SH3GLB1: variants seen among roughly 807,000 people sequenced by gnomAD.
SH3GLB1 encodes endophilin-B1.
Under a neutral mutation model 42.0 loss-of-function variants are expected in SH3GLB1, and 17 were observed. That is an observed-to-expected ratio of 0.40 (90% CI 0.28 to 0.61). The LOEUF (loss-of-function observed/expected upper bound fraction) is 0.61. SH3GLB1 is among the 20% of genes least tolerant of loss of function. The pLI is 0.36. For synonymous variants in SH3GLB1, 132 were observed against 146.6 expected, an observed-to-expected ratio of 0.90 and a Z score of 0.72; for missense variants, 355 against 426.3, an observed-to-expected ratio of 0.83 and a Z score of 1.47.
intron 1 of SH3GLB1, among the ~76,000 whole-genome samples, chr1:86,714,621 T>C (rs1654405125): frequency 6.6e-6 from 1 of 152,176 alleles, no homozygotes; most frequent in South Asian, 2.1e-4. Flanking sequence ...AGAAGAAGGA[T>C]GCTGAAAGAA....
rs912003889 is a variant in SH3GLB1, at chr1:86,746,699, C to T, written c.*3464C>T. ...CCTGGCCAACATGGGGAAACCCTGT[C>T]TCTACTGAAAATATAAAAATTAGCC... On this transcript the variant is annotated 3_prime_UTR_variant, in exon 9 of 9. Transcript: ENST00000370558. 1 of 152,240 alleles carries T rather than the reference C, an allele frequency of 6.6e-6. No individual in the cohort carries two copies. Among genetic ancestry groups the T allele is most frequent in the Non-Finnish European group, 1.5e-5 (1 of 68,096 alleles). 9.4% of individuals were successfully genotyped at this position (152,240 alleles called of 1,614,324 possible).
chr1:86,716,597 A>C (rs1030865759), intron 2 of SH3GLB1, among the ~76,000 whole-genome samples: 14 of 152,170 alleles, frequency 9.2e-5, no homozygotes, highest in African/African-American at 1.4e-4. Flanking sequence ...TTTAAGTTTT[A>C]CATTTTCACA....
intron 1 of SH3GLB1, among the ~76,000 whole-genome samples, chr1:86,709,980 T>C (rs1305491834): frequency 2.0e-5 from 3 of 152,218 alleles, no homozygotes; most frequent in African/African-American, 7.2e-5. Flanking sequence ...ATCCTATTTC[T>C]TTTACAGAAT....
In SH3GLB1 at chr1:86,705,368, T is replaced by G. The variant is rs577649791; in HGVS notation, c.72+397T>G. 2.7e-4 allele frequency among the ~76,000 whole-genome samples: 41 copies of G among 152,178 alleles called. 1 individual carries two copies. The South Asian group carries it at 8.5e-3, about 32-fold the overall frequency. ...CATTCTTGCACTACCCCCCACCCTT[T>G]CCTTTCGTCTCTCACCCTCCCCTCG... On this transcript the variant is annotated intron_variant, in intron 1 of 8. Coordinates refer to ENST00000370558, the MANE Select transcript of SH3GLB1 (RefSeq NM_016009.5).
intron 3 of SH3GLB1, among the ~76,000 whole-genome samples, chr1:86,720,064 TTGA>T (rs1654784135): frequency 6.6e-6 from 1 of 152,002 alleles, no homozygotes; most frequent in East Asian, 1.9e-4. Context: ...TTAAAAATTT[TTGA>T]TGAAGTGAGA....
At chr1:86,707,968 A>G (rs898821789) in intron 1 of SH3GLB1, among the ~76,000 whole-genome samples, 2 of 152,158 alleles carry the variant, frequency 1.3e-5, no homozygotes, top group Non-Finnish European at 1.5e-5. Flanking sequence ...GAATATTTCA[A>G]AAGAAAAAAA....
At chr1:86,724,754 G>T (rs1655064151) in intron 5 of SH3GLB1, among the ~76,000 whole-genome samples, 1 of 151,240 alleles carries the variant, frequency 6.6e-6, no homozygotes, top group African/African-American at 2.4e-5. Context: ...CCCACCTGTA[G>T]TCCCAGCTAC....
intron 3 of SH3GLB1, among the ~76,000 whole-genome samples, chr1:86,720,516 G>A (rs189820993): frequency 1.3e-5 from 2 of 152,192 alleles, no homozygotes; most frequent in East Asian, 3.9e-4. Context: ...TAAATGTATA[G>A]CCCTGAAGCT....
chr1:86,741,785 AGTTAT>A (rs1330003571), intron 7 of SH3GLB1, among the ~76,000 whole-genome samples: 7 of 152,202 alleles, frequency 4.6e-5, no homozygotes, highest in African/African-American at 1.7e-4. Flanking sequence ...AAAAAGGTTT[AGTTAT>A]TCAAATATTT....
Position 86,746,245 on chromosome 1 carries a change from A to T in SH3GLB1, c.*3010A>T, listed in dbSNP as rs182401439. The stretch of plus-strand genomic sequence containing the variant: ...GAAACATTTCTGGGATAAACTGTGG[A>T]GTGGAGAAGACAATGGAGGGCAAGG... On this transcript the variant is annotated 3_prime_UTR_variant, in exon 9 of 9. Transcript: ENST00000370558. The T allele has an allele frequency of 2.0e-5, 3 of 152,364 alleles. No individual in the cohort carries two copies. The highest frequency in any genetic ancestry group is 7.2e-5 in the African/African-American group (3 of 41,406). The allele number at this position is 152,364 out of a possible 1,614,324, so 9.4% of individuals were successfully genotyped here.
At chr1:86,740,351 G>C (rs1201774895) in intron 7 of SH3GLB1, among the ~76,000 whole-genome samples, 1 of 152,150 alleles carries the variant, frequency 6.6e-6, no homozygotes, top group Non-Finnish European at 1.5e-5. Flanking sequence ...GTGGCATGTG[G>C]ACCCACTTGA....
intron 2 of SH3GLB1, among the ~76,000 whole-genome samples, chr1:86,717,645 C>T (rs1654611268): frequency 2.0e-5 from 3 of 152,124 alleles, no homozygotes; most frequent in Admixed American, 2.0e-4. Context: ...TGGTCTCGAA[C>T]TCCCGACCTC....
rs546483537 is a variant in SH3GLB1 at position 86,745,493 on chromosome 1, A to G, written c.*2258A>G. The G allele has an allele frequency of 1.1e-3, 174 of 152,100 alleles. 1 individual carries two copies. The highest frequency in any genetic ancestry group is 4.0e-3 in the African/African-American group (168 of 41,484). 9.4% of individuals were successfully genotyped at this position (152,100 alleles called of 1,614,324 possible). A position where few individuals can be genotyped will look rare whatever the true frequency, so the allele number is the denominator to read the frequency against. On this transcript the variant is annotated 3_prime_UTR_variant, in exon 9 of 9. Coordinates refer to ENST00000370558, the MANE Select transcript of SH3GLB1 (RefSeq NM_016009.5). Reference sequence around the variant, plus strand: ...CTATCCTCCACCCTCTTTAAATCAGACCCCAGGTTTAACCTTCCCACAGTC... The same window carrying G: ...CTATCCTCCACCCTCTTTAAATCAGGCCCCAGGTTTAACCTTCCCACAGTC...
chr1:86,707,935 C>T (rs556488177), intron 1 of SH3GLB1, among the ~76,000 whole-genome samples: 15 of 151,942 alleles, frequency 9.9e-5, no homozygotes, highest in Non-Finnish European at 1.6e-4. Context: ...TGTGAGCCAC[C>T]ACACCAGTTG....
intron 5 of SH3GLB1, among the ~76,000 whole-genome samples, chr1:86,727,992 G>A (rs145431895): frequency 3.7e-4 from 56 of 152,034 alleles, no homozygotes; most frequent in African/African-American, 1.2e-3. Flanking sequence ...GCCAAGACCT[G>A]GCTGAGGCTG....
At position 86,734,613 on chromosome 1, in the gene SH3GLB1, A is replaced by G; in HGVS notation, c.582A>G (p.Glu194=). The G allele has an allele frequency of 1.2e-6, 2 of 1,611,884 alleles. No individual in the cohort carries two copies. The highest frequency in any genetic ancestry group is 1.7e-6 in the Non-Finnish European group (2 of 1,178,200). ...AAETRNSSEQ[E]LRITQSEFDR... is the part of the protein sequence containing the mutation. ...TATTCTTACTTAAGTCTGAACAGGAATTAAGAATAACTCAAAGTGAATTTG... is the reference window on the plus strand; with the variant it reads ...TATTCTTACTTAAGTCTGAACAGGAGTTAAGAATAACTCAAAGTGAATTTG... Residue 194 remains glutamate, a synonymous_variant, in exon 6 of 9, where the codon GAA becomes GAG. Transcript: ENST00000370558.
intron 7 of SH3GLB1, among the ~76,000 whole-genome samples, chr1:86,741,430 A>G (rs1656054486): frequency 6.6e-6 from 1 of 152,240 alleles, no homozygotes; most frequent in Non-Finnish European, 1.5e-5. Flanking sequence ...CTTAAAATAA[A>G]CTGAAAATTC....
At chr1:86,705,951 T>C (rs985068846) in intron 1 of SH3GLB1, among the ~76,000 whole-genome samples, 8 of 152,224 alleles carry the variant, frequency 5.3e-5, no homozygotes, top group African/African-American at 1.9e-4. Flanking sequence ...GCTTTACTAC[T>C]TTCCTTGCCT....
chr1:86,729,949 C>T, intron 5 of SH3GLB1: 5 of 762,104 alleles, frequency 6.6e-6, no homozygotes, highest in Non-Finnish European at 1.0e-5. Context: ...TTAGTTACTA[C>T]TGTGTTTAAT....
Sources: allele counts gnomAD v4.1 joint callset (sites outside exome capture counted in the v4.1 genomes callset), GRCh38; gene constraint gnomAD v4.1.1; transcripts MANE v1.5; gene names NCBI Gene and HGNC (gene_info 2026-07-23, HGNC 2026-07-21).